KAZN: variants seen among roughly 807,000 people sequenced by gnomAD.
KAZN encodes the protein kazrin.
In KAZN, 40 loss-of-function variants were observed where a neutral mutation model predicts 87.4. The ratio of observed to expected loss-of-function variants is 0.46; its 90% CI spans 0.36 to 0.60. The LOEUF (loss-of-function observed/expected upper bound fraction) is 0.60. Ranked by LOEUF, KAZN falls within the 20% of genes least tolerant of loss-of-function variation. The probability of loss-of-function intolerance (pLI) is 0.00; values close to 1 mark genes in which losing one functional copy is unlikely to be tolerated. For missense variants in KAZN, 898 were observed against 1,073.9 expected (o/e 0.84, Z 2.29); for synonymous variants, 466 against 458.3 (o/e 1.02, Z -0.22).
intron 2 of KAZN, among the ~76,000 whole-genome samples, chr1:14,334,530 C>T (rs564489870): frequency 7.9e-5 from 12 of 151,982 alleles, no homozygotes; most frequent in East Asian, 5.8e-4. Context: ...TTCACTTTCA[C>T]GCTGCAGGAA....
chr1:15,013,390 A>G (rs936512201), intron 2 of KAZN, among the ~76,000 whole-genome samples: 2 of 152,202 alleles, frequency 1.3e-5, no homozygotes, highest in African/African-American at 4.8e-5. Flanking sequence ...ATGAAAAAAG[A>G]GCATAAGAAA....
chr1:13,967,735 C>T (rs1346565438), intron 1 of KAZN, among the ~76,000 whole-genome samples: 1 of 152,200 alleles, frequency 6.6e-6, no homozygotes, highest in African/African-American at 2.4e-5. Flanking sequence ...GCTCACCCAG[C>T]CCGCCAAGCC....
At chr1:14,287,936 T>TC (rs1254091808) in intron 2 of KAZN, among the ~76,000 whole-genome samples, 1 of 139,782 alleles carries the variant, frequency 7.2e-6, no homozygotes, top group African/African-American at 2.5e-5. Context: ...GTTGAGATAA[T>TC]CATGTGGTTT....
chr1:14,782,116 T>A lies in KAZN; in HGVS notation c.227-178568T>A, dbSNP rs551982676. 3.3e-5 allele frequency among the ~76,000 whole-genome samples: 5 copies of A among 152,320 alleles called. No homozygotes were observed. The South Asian group carries it at 1.0e-3, about 32-fold the overall frequency. Reference sequence around the variant, plus strand: ...AGAATGCCATATATGTGTTTGCTATTATTAGCATCAAAATTATGACTAGTA... The same window carrying A: ...AGAATGCCATATATGTGTTTGCTATAATTAGCATCAAAATTATGACTAGTA... On this transcript the variant is annotated intron_variant, in intron 1 of 14. Transcript: ENST00000376030.
chr1:14,002,711 C>T (rs1639853234), intron 1 of KAZN, among the ~76,000 whole-genome samples: 1 of 152,122 alleles, frequency 6.6e-6, no homozygotes, highest in African/African-American at 2.4e-5. Flanking sequence ...ATGATAGATG[C>T]TGGTGAGGCT....
chr1:15,111,122 G>C (rs1019288376), intron 13 of KAZN, among the ~76,000 whole-genome samples: 1 of 152,176 alleles, frequency 6.6e-6, no homozygotes, highest in Admixed American at 6.5e-5. Context: ...TGGAACCCAA[G>C]AGTTTGAGAA....
At chr1:14,904,344 A>G (rs1656264734) in intron 1 of KAZN, among the ~76,000 whole-genome samples, 1 of 149,682 alleles carries the variant, frequency 6.7e-6, no homozygotes, top group Admixed American at 6.6e-5. Context: ...CTCACTTTGC[A>G]GGGTTTGGAT....
At chr1:15,013,003 G>A (rs1419164825) in intron 2 of KAZN, among the ~76,000 whole-genome samples, 1 of 152,200 alleles carries the variant, frequency 6.6e-6, no homozygotes, top group Non-Finnish European at 1.5e-5. Context: ...GTACCCAGAG[G>A]CTCAGCCAGG....
chr1:14,194,427 C>T (rs1646484537), intron 2 of KAZN, among the ~76,000 whole-genome samples: 3 of 152,156 alleles, frequency 2.0e-5, no homozygotes, highest in Admixed American at 6.5e-5. Flanking sequence ...TTTTCCAGTT[C>T]CCTGGACTGT....
intron 1 of KAZN, among the ~76,000 whole-genome samples, chr1:14,868,213 A>G (rs1217554752): frequency 6.6e-6 from 1 of 152,244 alleles, no homozygotes; most frequent in Non-Finnish European, 1.5e-5. Flanking sequence ...ATACGCAGGC[A>G]TCGCATACGC....
At chr1:14,742,953 A>G (rs1435393079) in intron 1 of KAZN, among the ~76,000 whole-genome samples, 2 of 138,448 alleles carry the variant, frequency 1.4e-5, no homozygotes, top group East Asian at 4.0e-4. Context: ...AGTCTGGTCA[A>G]ACAGATGCTC....
At chr1:15,007,013 C>T (rs180784913) in intron 2 of KAZN, among the ~76,000 whole-genome samples, 3,540 of 141,262 alleles carry the variant, frequency 0.025, 129 homozygotes, top group African/African-American at 0.088. Context: ...GCTGAGATCG[C>T]GCCACTGCAC....
At chr1:14,664,644 T>C (rs983642683) in intron 1 of KAZN, among the ~76,000 whole-genome samples, 28 of 150,622 alleles carry the variant, frequency 1.9e-4, no homozygotes, top group African/African-American at 4.9e-4. Context: ...GGGATCCTTT[T>C]CTTTTTCTCT....
intron 2 of KAZN, among the ~76,000 whole-genome samples, chr1:15,017,256 C>T (rs1315511033): frequency 6.6e-6 from 1 of 152,072 alleles, no homozygotes; most frequent in Admixed American, 6.6e-5. Flanking sequence ...CGAGATCACA[C>T]CACTGCACTC....
At chr1:15,007,406 C>T (rs1669135231) in intron 2 of KAZN, among the ~76,000 whole-genome samples, 2 of 152,222 alleles carry the variant, frequency 1.3e-5, no homozygotes, top group South Asian at 2.1e-4. Context: ...GTTGCCACTA[C>T]CTTTGAGGTG....
intron 2 of KAZN, among the ~76,000 whole-genome samples, chr1:14,975,439 A>G (rs1557677176): frequency 6.6e-6 from 1 of 152,194 alleles, no homozygotes; most frequent in African/African-American, 2.4e-5. Context: ...AAAAATTCAG[A>G]CCAGCTTAGA....
intron 1 of KAZN, among the ~76,000 whole-genome samples, chr1:14,048,410 T>C (rs199625395): frequency 1.5e-5 from 2 of 133,140 alleles, no homozygotes; most frequent in East Asian, 2.3e-4. Flanking sequence ...TTTTTTTTTT[T>C]CCTTTTTTTC....
intron 2 of KAZN, among the ~76,000 whole-genome samples, chr1:14,510,056 GA>G (rs1382704794): frequency 6.6e-6 from 1 of 152,172 alleles, no homozygotes; most frequent in Non-Finnish European, 1.5e-5. Flanking sequence ...GGTGGTGCCA[GA>G]CATAGATCTC....
chr1:14,584,770 G>A lies in KAZN; in HGVS notation c.250-14213G>A, dbSNP rs556778823. ...AGCGATTCTCCTGCCTCAACCTCCCGAGTAGCTGGGATTACAGGCATGCAC... is the reference window on the plus strand; with the variant it reads ...AGCGATTCTCCTGCCTCAACCTCCCAAGTAGCTGGGATTACAGGCATGCAC... On this transcript the variant is annotated intron_variant, in intron 2 of 16. Coordinates refer to the KAZN transcript ENST00000636203. Among the ~76,000 whole-genome samples the A allele has an allele frequency of 1.4e-3, 214 of 151,958 alleles. 2 individuals are homozygous for A. Among genetic ancestry groups the A allele is most frequent in the Non-Finnish European group, 2.2e-3 (147 of 67,988 alleles).
Sources: gnomAD v4.1 joint callset for allele counts (sites outside exome capture counted in the v4.1 genomes callset) on GRCh38, gnomAD v4.1.1 for gene constraint, MANE v1.5 for transcripts, NCBI Gene and HGNC (gene_info 2026-07-23, HGNC 2026-07-21) for gene names.